THSD7B: variants seen among roughly 807,000 people sequenced by gnomAD.
The protein encoded by THSD7B is thrombospondin type-1 domain-containing protein 7B.
Under a neutral mutation model 213.6 loss-of-function variants are expected in THSD7B, and 138 were observed. That is an observed-to-expected ratio of 0.65 (90% CI 0.56 to 0.74). The LOEUF is 0.74. Among genes scored for constraint, THSD7B ranks in the 30% least tolerant of loss-of-function variants. The pLI, the probability that THSD7B is intolerant of heterozygous loss-of-function variation, is 0.00. For missense variants in THSD7B, 1,931 were observed against 1,991.5 expected (o/e 0.97, Z 0.58); for synonymous variants, 742 against 687.0 (o/e 1.08, Z -1.25).
intron 9 of THSD7B, among the ~76,000 whole-genome samples, chr2:137,241,521 A>G (rs1014491091): frequency 1.3e-5 from 2 of 152,216 alleles, no homozygotes; most frequent in African/African-American, 4.8e-5. Flanking sequence ...AATAAAATCA[A>G]TATCTTCTTC....
intron 15 of THSD7B, among the ~76,000 whole-genome samples, chr2:137,501,453 T>G (rs1038294917): frequency 6.6e-6 from 1 of 152,100 alleles, no homozygotes; most frequent in Non-Finnish European, 1.5e-5. Flanking sequence ...TTGGTAAAGG[T>G]ATTTTATTAA....
chr2:137,068,140 A>G (rs943814905), intron 3 of THSD7B, among the ~76,000 whole-genome samples: 10 of 151,960 alleles, frequency 6.6e-5, no homozygotes, highest in Admixed American at 6.6e-4. Context: ...CGATTCTCTG[A>G]TGGATTTAAG....
chr2:137,018,241 A>G (rs992127751), intron 2 of THSD7B, among the ~76,000 whole-genome samples: 5 of 152,120 alleles, frequency 3.3e-5, no homozygotes, highest in African/African-American at 1.2e-4. Flanking sequence ...ACTTCAGAAA[A>G]TATTCTCATT....
At chr2:137,312,587 A>C (rs1383054745) in intron 12 of THSD7B, among the ~76,000 whole-genome samples, 2 of 151,120 alleles carry the variant, frequency 1.3e-5, no homozygotes, top group African/African-American at 4.9e-5. Context: ...TAGTTCTTTT[A>C]ATTGTGATGT....
At chr2:137,135,047 G>A (rs1679408276) in intron 5 of THSD7B, among the ~76,000 whole-genome samples, 2 of 152,090 alleles carry the variant, frequency 1.3e-5, no homozygotes, top group African/African-American at 4.8e-5. Context: ...TAACAGCCTT[G>A]CGAGTCTGTT....
At chr2:137,007,109 G>A (rs910943345) in intron 2 of THSD7B, among the ~76,000 whole-genome samples, 8 of 152,216 alleles carry the variant, frequency 5.3e-5, no homozygotes, top group Admixed American at 2.6e-4. Flanking sequence ...TTTACCATGT[G>A]GCATCGTTGC....
At chr2:137,478,907 AG>A (rs1333377971) in intron 15 of THSD7B, among the ~76,000 whole-genome samples, 1 of 152,212 alleles carries the variant, frequency 6.6e-6, no homozygotes, top group African/African-American at 2.4e-5. Flanking sequence ...TGCTGGTGAC[AG>A]GGATGTCAAG....
intron 10 of THSD7B, among the ~76,000 whole-genome samples, chr2:137,266,149 T>C (rs2105088167): frequency 6.6e-6 from 1 of 152,360 alleles, no homozygotes; most frequent in East Asian, 1.9e-4. Flanking sequence ...CTTTTCTTTC[T>C]TGAACTGACG....
intron 17 of THSD7B, among the ~76,000 whole-genome samples, chr2:137,586,286 T>A (rs1681725109): frequency 6.6e-6 from 1 of 152,344 alleles, no homozygotes; most frequent in South Asian, 2.1e-4. Context: ...TGACACTTTA[T>A]CCAATTTGCC....
chr2:136,916,374 A>G (rs1331220654), intron 2 of THSD7B, among the ~76,000 whole-genome samples: 1 of 152,174 alleles, frequency 6.6e-6, no homozygotes, highest in African/African-American at 2.4e-5. Flanking sequence ...GGTAAAAATA[A>G]TGGCATTCCT....
At chr2:136,926,966 C>T (rs1684543629) in intron 2 of THSD7B, among the ~76,000 whole-genome samples, 1 of 152,096 alleles carries the variant, frequency 6.6e-6, no homozygotes, top group Admixed American at 6.6e-5. Context: ...GTTCAGTTAT[C>T]TTATAAAATA....
rs115046156 is a variant in THSD7B, at chr2:137,269,062, C to G, written c.2267-3471C>G. 2.9e-3 allele frequency among the ~76,000 whole-genome samples: 438 copies of G among 152,076 alleles called. 3 individuals carry two copies. Among genetic ancestry groups the G allele is most frequent in the African/African-American group, 0.01 (420 of 41,528 alleles). On this transcript the variant is annotated intron_variant, in intron 10 of 27. Transcript: ENST00000409968. Reference sequence around the variant, plus strand: ...GCACACACATACACACACAAACACACAGAGAGAGAGAGACTCTTAACAGAT... The same window carrying G: ...GCACACACATACACACACAAACACAGAGAGAGAGAGAGACTCTTAACAGAT...
chr2:137,112,109 G>T (rs1688358412), intron 4 of THSD7B, among the ~76,000 whole-genome samples: 1 of 152,068 alleles, frequency 6.6e-6, no homozygotes, highest in Non-Finnish European at 1.5e-5. Context: ...TAGCTGAGTG[G>T]GCTCCTTTGA....
chr2:137,518,546 G>C (rs1303852859), intron 15 of THSD7B, among the ~76,000 whole-genome samples: 1 of 152,216 alleles, frequency 6.6e-6, no homozygotes, highest in Non-Finnish European at 1.5e-5. Flanking sequence ...GGAACTCTCT[G>C]AGTAGTCAAA....
intron 2 of THSD7B, among the ~76,000 whole-genome samples, chr2:136,920,086 A>G (rs780243248): frequency 5.9e-5 from 9 of 152,202 alleles, no homozygotes; most frequent in Admixed American, 2.0e-4. Flanking sequence ...CACCTGCCAC[A>G]TGGCAAGTAA....
At chr2:136,782,249 G>A (rs1681755778) in intron 1 of THSD7B, among the ~76,000 whole-genome samples, 1 of 152,096 alleles carries the variant, frequency 6.6e-6, no homozygotes, top group Non-Finnish European at 1.5e-5. Context: ...AGAGGTGTGC[G>A]CTTCTGCTGC....
At chr2:137,343,231 A>G (rs1316030873) in intron 12 of THSD7B, among the ~76,000 whole-genome samples, 1 of 151,472 alleles carries the variant, frequency 6.6e-6, no homozygotes, top group Non-Finnish European at 1.5e-5. Context: ...AAATTTTGGT[A>G]GGATTCAGCT....
At chr2:137,421,597 A>C (rs1352072666) in intron 14 of THSD7B, among the ~76,000 whole-genome samples, 1 of 152,204 alleles carries the variant, frequency 6.6e-6, no homozygotes, top group Non-Finnish European at 1.5e-5. Context: ...GTGTTCAGCT[A>C]TCTGGAAGCT....
chr2:136,849,799 A>G (rs1240868266), intron 1 of THSD7B, among the ~76,000 whole-genome samples: 3 of 152,202 alleles, frequency 2.0e-5, no homozygotes, highest in African/African-American at 7.2e-5. Context: ...GTTACAGAAT[A>G]TTAGAGACAT....
Sources: gnomAD v4.1 joint callset for allele counts (sites outside exome capture counted in the v4.1 genomes callset) on GRCh38, gnomAD v4.1.1 for gene constraint, MANE v1.5 for transcripts, NCBI Gene and HGNC (gene_info 2026-07-23, HGNC 2026-07-21) for gene names.